CSGALNACT1: variants seen among roughly 807,000 people sequenced by gnomAD.
CSGALNACT1 encodes the protein beta4GalNAcT-1.
A neutral mutation model predicts 51.0 loss-of-function variants in CSGALNACT1; 52 were observed. That is an observed-to-expected ratio of 1.02 (90% CI 0.82 to 1.29). CSGALNACT1 has a LOEUF of 1.29. Among genes scored for constraint, CSGALNACT1 ranks in the 50% most tolerant of loss-of-function variants. The pLI is 0.00. For synonymous variants in CSGALNACT1, 341 were observed against 254.4 expected, an observed-to-expected ratio of 1.34 and a Z score of -3.24; for missense variants, 935 against 679.2, an observed-to-expected ratio of 1.38 and a Z score of -4.19.
intron 3 of CSGALNACT1, among the ~76,000 whole-genome samples, chr8:19,555,216 G>A (rs1215970721): frequency 1.3e-5 from 2 of 152,032 alleles, no homozygotes; most frequent in African/African-American, 4.8e-5. Flanking sequence ...TCCAGCCTGG[G>A]TGACAGAGCA....
chr8:19,589,092 T>C (rs2047263833), intron 3 of CSGALNACT1, among the ~76,000 whole-genome samples: 1 of 152,174 alleles, frequency 6.6e-6, no homozygotes. Flanking sequence ...TGTGGTCCTT[T>C]CCCATATGCC....
chr8:19,576,957 C>A (rs1056389807), intron 3 of CSGALNACT1, among the ~76,000 whole-genome samples: 5 of 152,096 alleles, frequency 3.3e-5, no homozygotes, highest in African/African-American at 1.2e-4. Flanking sequence ...AGCTCGCTTA[C>A]CCCCCTCTTA....
chr8:19,534,369 T>C (rs2154059926), intron 3 of CSGALNACT1, among the ~76,000 whole-genome samples: 1 of 152,160 alleles, frequency 6.6e-6, no homozygotes, highest in South Asian at 2.1e-4. Context: ...CAGAATAGCT[T>C]GAACCCAGGA....
exon 10 of CSGALNACT1, chr8:19,405,340 A>T (rs970064370): frequency 8.8e-6 from 4 of 454,960 alleles, no homozygotes; most frequent in African/African-American, 2.0e-5. Flanking sequence ...CTGCCTTCTG[A>T]TATTTTAGCA....
At chr8:19,528,911 G>T (rs111368056) in intron 3 of CSGALNACT1, among the ~76,000 whole-genome samples, 1,794 of 152,270 alleles carry the variant, frequency 0.012, 36 homozygotes, top group African/African-American at 0.041. Flanking sequence ...TGGAAGAAGT[G>T]GGATGTGACT....
At chr8:19,541,579 T>TTTTTTTA (rs1588072447) in intron 3 of CSGALNACT1, among the ~76,000 whole-genome samples, 1 of 136,530 alleles carries the variant, frequency 7.3e-6, no homozygotes, top group African/African-American at 2.7e-5. Context: ...TTTTTTTTTT[T>TTTTTTTA]AGTAGAGACA....
chr8:19,568,673 A>C (rs1307433897), intron 3 of CSGALNACT1, among the ~76,000 whole-genome samples: 1 of 152,206 alleles, frequency 6.6e-6, no homozygotes, highest in Non-Finnish European at 1.5e-5. Flanking sequence ...ACTTCAAAAA[A>C]TATGAGATTC....
chr8:19,730,344 C>T (rs889181893), intron 1 of CSGALNACT1, among the ~76,000 whole-genome samples: 3 of 152,192 alleles, frequency 2.0e-5, no homozygotes, highest in Middle Eastern at 6.8e-3. Flanking sequence ...TTTGAAAATG[C>T]GGCCACTAAC....
At chr8:19,618,948 C>A (rs1275982255) in intron 1 of CSGALNACT1, among the ~76,000 whole-genome samples, 1 of 152,078 alleles carries the variant, frequency 6.6e-6, no homozygotes, top group African/African-American at 2.4e-5. Flanking sequence ...GGTGATAAAA[C>A]AGGCAAATCT....
At chr8:19,756,982 C>A (rs1377927433) in intron 1 of CSGALNACT1, among the ~76,000 whole-genome samples, 2 of 102,384 alleles carry the variant, frequency 2.0e-5, no homozygotes, top group African/African-American at 7.6e-5. Flanking sequence ...GTCCCCGGCC[C>A]CTGCCCGTGC....
intron 1 of CSGALNACT1, among the ~76,000 whole-genome samples, chr8:19,673,021 C>T (rs367973511): frequency 1.3e-4 from 20 of 152,216 alleles, no homozygotes; most frequent in East Asian, 1.2e-3. Flanking sequence ...TTTCAGAGTT[C>T]GAAGTGAAAT....
chr8:19,422,493 T>C (rs193297265), intron 6 of CSGALNACT1, among the ~76,000 whole-genome samples: 2 of 152,344 alleles, frequency 1.3e-5, no homozygotes, highest in East Asian at 1.9e-4. Context: ...AAGACTCTAT[T>C]TTTCCTATGA....
intron 4 of CSGALNACT1, among the ~76,000 whole-genome samples, chr8:19,485,553 G>A (rs1026190841): frequency 3.9e-5 from 6 of 151,992 alleles, no homozygotes; most frequent in African/African-American, 1.5e-4. Flanking sequence ...TCTTCCCTAA[G>A]GGCTAAACAG....
At chr8:19,420,800 C>T (rs1236885038) in intron 6 of CSGALNACT1, among the ~76,000 whole-genome samples, 3 of 152,318 alleles carry the variant, frequency 2.0e-5, no homozygotes, top group South Asian at 4.1e-4. Context: ...AATGACTATT[C>T]TTTGTGATGG....
At chr8:19,689,988 C>T (rs2061208573) in intron 1 of CSGALNACT1, among the ~76,000 whole-genome samples, 1 of 152,150 alleles carries the variant, frequency 6.6e-6, no homozygotes, top group African/African-American at 2.4e-5. Context: ...TGAAATGATG[C>T]CCAGTTCATG....
intron 1 of CSGALNACT1, among the ~76,000 whole-genome samples, chr8:19,725,420 T>C (rs2154242076): frequency 6.6e-6 from 1 of 151,576 alleles, no homozygotes; most frequent in South Asian, 2.1e-4. Flanking sequence ...TCTTTTTTCT[T>C]TTTTCTTTTT....
chr8:19,493,296 T>G (rs1476225381), intron 4 of CSGALNACT1, among the ~76,000 whole-genome samples: 1 of 152,224 alleles, frequency 6.6e-6, no homozygotes, highest in East Asian at 1.9e-4. Context: ...CACTCTTTTT[T>G]GGGGGAGGGG....
chr8:19,515,997 G>C (rs1301083424), intron 3 of CSGALNACT1, among the ~76,000 whole-genome samples: 1 of 152,032 alleles, frequency 6.6e-6, no homozygotes, highest in Non-Finnish European at 1.5e-5. Context: ...ACACATGTGG[G>C]GCTGAGTCAG....
At chr8:19,411,447 A>G (rs1217444727) in intron 8 of CSGALNACT1, among the ~76,000 whole-genome samples, 1 of 152,164 alleles carries the variant, frequency 6.6e-6, no homozygotes, top group East Asian at 1.9e-4. Context: ...TACTTCCTCA[A>G]TGAATGAACC....
Sources: allele counts gnomAD v4.1 joint callset (sites outside exome capture counted in the v4.1 genomes callset), GRCh38; gene constraint gnomAD v4.1.1; transcripts MANE v1.5; gene names NCBI Gene and HGNC (gene_info 2026-07-23, HGNC 2026-07-21).